The following SUPT3H variants were observed in gnomAD, a reference collection of about 807,000 sequenced individuals.
The protein encoded by SUPT3H is transcription initiation protein SPT3 homolog.
A neutral mutation model predicts 44.3 loss-of-function variants in SUPT3H; 44 were observed. The ratio of observed to expected loss-of-function variants is 0.99; its 90% CI spans 0.78 to 1.28. SUPT3H has a LOEUF of 1.28. SUPT3H is among the 50% of genes most tolerant of loss of function. The probability of loss-of-function intolerance (pLI) is 0.00; values close to 1 mark genes in which losing one functional copy is unlikely to be tolerated. For missense variants in SUPT3H, 380 were observed against 387.1 expected (o/e 0.98, Z 0.15); for synonymous variants, 124 against 125.6 (o/e 0.99, Z 0.09).
chr6:44,822,141 CCCCTT>C (rs1305517900), downstream of SUPT3H, among the ~76,000 whole-genome samples: 1 of 152,068 alleles, frequency 6.6e-6, no homozygotes, highest in African/African-American at 2.4e-5. Flanking sequence ...GGTTCATGAA[CCCCTT>C]TCTGTAATTT....
intron 2 of SUPT3H, among the ~76,000 whole-genome samples, chr6:45,360,965 T>C (rs1581898942): frequency 6.6e-6 from 1 of 152,268 alleles, no homozygotes; most frequent in South Asian, 2.1e-4. Flanking sequence ...TCCTGCCATA[T>C]AATAAGGACT....
At chr6:45,270,534 C>T (rs955518395) in intron 2 of SUPT3H, among the ~76,000 whole-genome samples, 4 of 152,160 alleles carry the variant, frequency 2.6e-5, no homozygotes, top group East Asian at 1.9e-4. Context: ...CCATGTAGCA[C>T]GGGACTTGCT....
intron 2 of SUPT3H, among the ~76,000 whole-genome samples, chr6:45,136,847 G>A (rs1399729326): frequency 1.3e-5 from 2 of 151,878 alleles, no homozygotes; most frequent in Non-Finnish European, 2.9e-5. Flanking sequence ...GTCTCAGAAG[G>A]AGAAGAAAAA....
rs573769380 is a variant in SUPT3H at position 45,358,356 on chromosome 6, C to T, written c.101+6845G>A. Among the ~76,000 whole-genome samples the T allele has an allele frequency of 2.1e-3, 324 of 152,308 alleles. 1 individual carries two copies. The highest frequency in any genetic ancestry group is 7.5e-3 in the African/African-American group (310 of 41,578). ...TTATTTAATATACTCAATAGGTACACATGGCTAGTGGCTATCACACCGGAT... is the reference window on the plus strand; with the variant it reads ...TTATTTAATATACTCAATAGGTACATATGGCTAGTGGCTATCACACCGGAT... On this transcript the variant is annotated intron_variant, in intron 2 of 10. Transcript: ENST00000371459.
intron 2 of SUPT3H, among the ~76,000 whole-genome samples, chr6:45,231,084 CCTTT>C (rs1321986529): frequency 6.6e-6 from 1 of 152,068 alleles, no homozygotes; most frequent in East Asian, 1.9e-4. Flanking sequence ...ATTCTTTGTT[CCTTT>C]CTTATTTTCT....
At chr6:45,021,752 C>T (rs1225132173) in intron 3 of SUPT3H, among the ~76,000 whole-genome samples, 1 of 151,892 alleles carries the variant, frequency 6.6e-6, no homozygotes, top group Non-Finnish European at 1.5e-5. Context: ...AATGTTTAAT[C>T]CTTTTTGCTA....
chr6:45,125,012 C>A (rs1261889516), intron 2 of SUPT3H, among the ~76,000 whole-genome samples: 3 of 152,222 alleles, frequency 2.0e-5, no homozygotes, highest in East Asian at 3.9e-4. Flanking sequence ...CCACGAAACA[C>A]CAAGGATTGC....
chr6:44,815,790 A>G (rs185653338), intron 11 of SUPT3H, among the ~76,000 whole-genome samples: 193 of 152,212 alleles, frequency 1.3e-3, no homozygotes, highest in Non-Finnish European at 1.4e-3. Context: ...ATCAGTAAGT[A>G]TACAGAAGAA....
At chr6:45,357,592 T>C (rs1793478509) in intron 2 of SUPT3H, among the ~76,000 whole-genome samples, 1 of 152,122 alleles carries the variant, frequency 6.6e-6, no homozygotes, top group Admixed American at 6.6e-5. Flanking sequence ...CCCTCAAAAG[T>C]GCTGGGATTA....
At chr6:45,175,222 G>A (rs1257120843) in intron 2 of SUPT3H, among the ~76,000 whole-genome samples, 1 of 151,894 alleles carries the variant, frequency 6.6e-6, no homozygotes, top group Non-Finnish European at 1.5e-5. Context: ...TTACTAGATT[G>A]AACTGCTGTA....
intron 1 of SUPT3H, among the ~76,000 whole-genome samples, chr6:45,372,823 T>C (rs1164085659): frequency 6.6e-6 from 1 of 151,954 alleles, no homozygotes; most frequent in Admixed American, 6.6e-5. Context: ...CAAGCTCAGC[T>C]ACATTTTTTT....
intron 10 of SUPT3H, 106 bp from the exon 11 acceptor site, chr6:44,829,963 C>T: frequency 3.0e-6 from 3 of 985,178 alleles, no homozygotes; most frequent in East Asian, 2.4e-5. Flanking sequence ...ACTCTGCTGG[C>T]TACAATCTAA....
chr6:44,954,264 T>C (rs573243893), intron 8 of SUPT3H, among the ~76,000 whole-genome samples: 100 of 152,310 alleles, frequency 6.6e-4, no homozygotes, highest in Non-Finnish European at 1.2e-3. Context: ...AGGGATTCCA[T>C]TTCTCATTAA....
chr6:45,186,593 C>T (rs1380642276), intron 2 of SUPT3H, among the ~76,000 whole-genome samples: 2 of 152,148 alleles, frequency 1.3e-5, no homozygotes, highest in Non-Finnish European at 2.9e-5. Flanking sequence ...CACACTTCTA[C>T]CAGATTTAAA....
intron 10 of SUPT3H, among the ~76,000 whole-genome samples, chr6:44,929,530 G>C (rs1211347185): frequency 1.3e-5 from 2 of 152,114 alleles, no homozygotes; most frequent in Non-Finnish European, 2.9e-5. Context: ...AATTTATGAA[G>C]TACATTTTAC....
chr6:44,996,212 G>A (rs1358825295), intron 6 of SUPT3H, among the ~76,000 whole-genome samples: 1 of 151,684 alleles, frequency 6.6e-6, no homozygotes, highest in Non-Finnish European at 1.5e-5. Flanking sequence ...CACAGTTAAT[G>A]TGTTACCACT....
chr6:45,188,735 G>A (rs1814656960), intron 2 of SUPT3H, among the ~76,000 whole-genome samples: 1 of 150,834 alleles, frequency 6.6e-6, no homozygotes. Flanking sequence ...ATCATTTCAT[G>A]ATTTAAAAAA....
chr6:44,835,160 T>C (rs1272373834), intron 10 of SUPT3H, among the ~76,000 whole-genome samples: 3 of 152,106 alleles, frequency 2.0e-5, no homozygotes, highest in Non-Finnish European at 4.4e-5. Context: ...TGTGTTTTCA[T>C]GGAAGTCTTA....
At chr6:45,344,228 T>C (rs1304732833) in intron 2 of SUPT3H, among the ~76,000 whole-genome samples, 1 of 152,232 alleles carries the variant, frequency 6.6e-6, no homozygotes, top group African/African-American at 2.4e-5. Flanking sequence ...TTAGCTCCTC[T>C]GCAGGGGTTT....
Sources: gnomAD v4.1 joint callset for allele counts (sites outside exome capture counted in the v4.1 genomes callset) on GRCh38, gnomAD v4.1.1 for gene constraint, MANE v1.5 for transcripts, NCBI Gene and HGNC (gene_info 2026-07-23, HGNC 2026-07-21) for gene names.